The following CENPI variants were observed in gnomAD, a reference collection of about 807,000 sequenced individuals.
The protein encoded by CENPI is FSH primary response 1.
A neutral mutation model predicts 60.4 loss-of-function variants in CENPI; 4 were observed. That is an observed-to-expected ratio of 0.07 (90% CI 0.03 to 0.15). CENPI has a LOEUF of 0.15. CENPI is among the 10% of genes least tolerant of loss of function. The pLI is 1.00. For missense variants in CENPI, 444 were observed against 534.5 expected (o/e 0.83, Z 1.67); for synonymous variants, 157 against 189.4 (o/e 0.83, Z 1.40).
In CENPI at chrX:101,146,149, C is replaced by T; in HGVS notation, c.1702-4C>T. On this transcript the variant is annotated splice_region_variant and splice_polypyrimidine_tract_variant and intron_variant, in intron 17 of 21. Coordinates refer to ENST00000682095, the MANE Select transcript of CENPI (RefSeq NM_001386188.2). ...TATACTGATGTTATCATTCTTCCTC[C>T]AAGGTGTGTGACATATATATAAATT... The T allele has an allele frequency of 1.7e-6, 2 of 1,197,805 alleles. No individual in the cohort carries two copies. Among genetic ancestry groups the T allele is most frequent in the Non-Finnish European group, 2.3e-6 (2 of 885,542 alleles).
At chrX:101,115,797 G>A (rs888755925) in intron 6 of CENPI, among the ~76,000 whole-genome samples, 4 of 111,461 alleles carry the variant, frequency 3.6e-5, no homozygotes, top group Middle Eastern at 4.7e-3. Context: ...TAACCATTAC[G>A]CAGTAACTCC....
intron 6 of CENPI, among the ~76,000 whole-genome samples, chrX:101,112,525 G>A: frequency 8.9e-6 from 1 of 112,152 alleles, no homozygotes; most frequent in East Asian, 2.8e-4. Context: ...TCAAGTTTTG[G>A]TGTAGTATCA....
chrX:101,162,491 T>TATAA (rs1159595271), intron 21 of CENPI, among the ~76,000 whole-genome samples: 2 of 99,228 alleles, frequency 2.0e-5, no homozygotes, highest in Admixed American at 2.3e-4. Flanking sequence ...TATATATATA[T>TATAA]AATTATCTCA....
chrX:101,112,964 CT>C (rs926457404), intron 6 of CENPI, among the ~76,000 whole-genome samples: 56 of 103,579 alleles, frequency 5.4e-4, no homozygotes, highest in African/African-American at 1.4e-3. Context: ...TCTAAATAAG[CT>C]TTTTTTTTTT....
intron 12 of CENPI, 106 bp from the exon 13 acceptor site, chrX:101,129,876 T>C (rs186863954): frequency 3.7e-6 from 2 of 535,506 alleles, no homozygotes; most frequent in Admixed American, 5.5e-5. Flanking sequence ...TGTATGAGAC[T>C]TATGGCTTTT....
chrX:101,172,708 A>G, the CENPI span, among the ~76,000 whole-genome samples: 1 of 111,645 alleles, frequency 9.0e-6, no homozygotes, highest in Non-Finnish European at 1.9e-5. Context: ...AACTATGTAA[A>G]TATAAAAACC....
intron 3 of CENPI, among the ~76,000 whole-genome samples, 190 bp downstream of exon 3, chrX:101,101,486 G>A (rs2089415963): frequency 9.0e-6 from 1 of 111,404 alleles, no homozygotes; most frequent in African/African-American, 3.3e-5. Context: ...CTTACTAGCA[G>A]AGTGGTTCCC....
chrX:101,128,966 G>T, intron 12 of CENPI, 130 bp downstream of exon 12: 1 of 552,031 alleles, frequency 1.8e-6, no homozygotes, highest in Non-Finnish European at 2.8e-6. Flanking sequence ...TTTAGAGCAT[G>T]AATGTTTCTG....
In CENPI at chrX:101,164,751, C is replaced by CT. The variant is rs2090137014; in HGVS notation, c.*1791dup. On this transcript the variant is annotated 3_prime_UTR_variant, in exon 22 of 22. Coordinates refer to ENST00000682095, the MANE Select transcript of CENPI (RefSeq NM_001386188.2). ...ACAATGTGTTGAATTTTGTCAAATG[C>CT]TTTTTTTGTATCTTTTGAGATTATC... is the stretch of plus-strand genomic sequence containing the variant. 8.9e-6 allele frequency among the ~76,000 whole-genome samples: 1 copy of CT among 112,351 alleles called. No homozygotes were observed. The highest frequency in any genetic ancestry group is 9.5e-5 in the Admixed American group (1 of 10,505).
intron 6 of CENPI, among the ~76,000 whole-genome samples, chrX:101,112,878 A>G (rs1306719506): frequency 1.8e-5 from 2 of 108,778 alleles, no homozygotes; most frequent in South Asian, 8.0e-4. Flanking sequence ...TGCCCGGCTG[A>G]GAATTAGTTT....
chrX:101,132,506 G>T, intron 15 of CENPI, 50 bp downstream of exon 15: 2 of 1,019,905 alleles, frequency 2.0e-6, no homozygotes, highest in Non-Finnish European at 2.7e-6. Context: ...TTATTCTATT[G>T]CTAGTGGTAC....
the CENPI span, among the ~76,000 whole-genome samples, chrX:101,179,529 T>C: frequency 9.1e-6 from 1 of 110,433 alleles, no homozygotes; most frequent in Admixed American, 9.6e-5. Flanking sequence ...TCTTTCTTTT[T>C]TTTTTTTTTG....
intron 4 of CENPI, 119 bp downstream of exon 4, chrX:101,102,530 C>CT (rs1488855516): frequency 3.8e-5 from 10 of 262,962 alleles, no homozygotes; most frequent in Non-Finnish European, 5.6e-5. Context: ...TATATATATA[C>CT]TTTTTTTTAT....
At chrX:101,101,359 T>C (rs1436639367) in intron 3 of CENPI, 63 bp downstream of exon 3, 1 of 852,501 alleles carries the variant, frequency 1.2e-6, no homozygotes, top group African/African-American at 2.1e-5. Context: ...AGTCTTTTTT[T>C]CTTAAGAATT....
Position 101,148,007 on chromosome X carries a change from T to C in CENPI, c.1940T>C (p.Met647Thr), listed in dbSNP as rs988644059. ...YQEFNHYLTS[M>T]VGCLWTSKPF... Reference sequence around the variant, plus strand: ...GAATTTAATCACTATTTGACATCAATGGTTGGTTGCCTGTGGACGTCCAAA... The same window carrying C: ...GAATTTAATCACTATTTGACATCAACGGTTGGTTGCCTGTGGACGTCCAAA... The change falls in exon 20 of 22, where the codon ATG becomes ACG. Residue 647 changes from methionine (M) to threonine (T), a missense_variant. Transcript: ENST00000682095. 1.7e-6 allele frequency: 2 copies of C among 1,199,370 alleles called. No homozygotes were observed. The highest frequency in any genetic ancestry group is 2.2e-6 in the Non-Finnish European group (2 of 890,914).
chrX:101,106,923 T>C (rs144184389), intron 4 of CENPI, among the ~76,000 whole-genome samples: 1,731 of 108,577 alleles, frequency 0.016, 47 homozygotes, highest in African/African-American at 0.055. Context: ...TAACCAGGTA[T>C]GGTGGCACGT....
At position 101,127,134 on chromosome X, in the gene CENPI, A is replaced by G. The variant is rs747423043; in HGVS notation, c.778-4A>G. The G allele has an allele frequency of 4.3e-6, 5 of 1,162,376 alleles. No individual in the cohort carries two copies. The South Asian group carries it at 1.0e-4, about 24-fold the overall frequency. On this transcript the variant is annotated splice_polypyrimidine_tract_variant and splice_region_variant and intron_variant, in intron 9 of 21. Transcript: ENST00000682095. The stretch of plus-strand genomic sequence containing the variant: ...TCTCTTGTACTTTATATCCAAATTT[A>G]TAGATATATTTTAAGAATTCAGAGA...
downstream of CENPI, among the ~76,000 whole-genome samples, chrX:101,169,959 T>A (rs1273071754): frequency 8.9e-6 from 1 of 112,151 alleles, no homozygotes; most frequent in Admixed American, 9.5e-5. Flanking sequence ...GAGTAAAAAA[T>A]TTTAAAATTT....
chrX:101,171,304 A>ATT, the CENPI span, among the ~76,000 whole-genome samples: 3 of 110,512 alleles, frequency 2.7e-5, no homozygotes, highest in South Asian at 7.8e-4. Flanking sequence ...TTATAAAACA[A>ATT]TTTTTTTTAA....
Sources: gnomAD v4.1 joint callset for allele counts (sites outside exome capture counted in the v4.1 genomes callset) on GRCh38, gnomAD v4.1.1 for gene constraint, MANE v1.5 for transcripts, NCBI Gene and HGNC (gene_info 2026-07-23, HGNC 2026-07-21) for gene names.